MARCHF10: variants seen among roughly 807,000 people sequenced by gnomAD.
MARCHF10 encodes the protein probable E3 ubiquitin-protein ligase MARCHF10.
Under a neutral mutation model 76.2 loss-of-function variants are expected in MARCHF10, and 64 were observed. The ratio of observed to expected loss-of-function variants is 0.84; its 90% CI spans 0.69 to 1.03. MARCHF10 has a LOEUF of 1.03. Among genes scored for constraint, MARCHF10 ranks in the 50% least tolerant of loss-of-function variants. The pLI is 0.00. For missense variants in MARCHF10, 875 were observed against 958.0 expected (o/e 0.91, Z 1.14); for synonymous variants, 340 against 357.5 (o/e 0.95, Z 0.55).
In MARCHF10 at chr17:62,727,435, G is replaced by A. The variant is rs182799225; in HGVS notation, c.1938-2331C>T. 3.0e-3 allele frequency among the ~76,000 whole-genome samples: 454 copies of A among 152,184 alleles called. 3 individuals are homozygous for A. The highest frequency in any genetic ancestry group is 4.7e-3 in the Non-Finnish European group (322 of 68,010). ...TGTAATCCTAGCACTTTGGGAAGCC[G>A]AGGCAGGAGGATGGCTTGAGCTCAG... On this transcript the variant is annotated intron_variant, in intron 6 of 10. Coordinates refer to ENST00000311269, the MANE Select transcript of MARCHF10 (RefSeq NM_152598.4).
intron 8 of MARCHF10, among the ~76,000 whole-genome samples, chr17:62,714,892 T>G (rs538204246): frequency 6.6e-6 from 1 of 152,232 alleles, no homozygotes; most frequent in South Asian, 2.1e-4. Flanking sequence ...ATTTCAGGTG[T>G]GTGCCACCAC....
At chr17:62,761,702 G>T (rs572876858) in intron 3 of MARCHF10, among the ~76,000 whole-genome samples, 2 of 152,274 alleles carry the variant, frequency 1.3e-5, no homozygotes, top group African/African-American at 4.8e-5. Context: ...GATTATAGGC[G>T]TGAGCCACTG....
intron 1 of MARCHF10, among the ~76,000 whole-genome samples, chr17:62,807,395 G>A (rs751039785): frequency 6.6e-6 from 1 of 152,114 alleles, no homozygotes; most frequent in Non-Finnish European, 1.5e-5. Flanking sequence ...GAACAGACTT[G>A]TGTTTGGCGG....
At chr17:62,757,999 C>A (rs940532713) in intron 4 of MARCHF10, among the ~76,000 whole-genome samples, 2 of 152,148 alleles carry the variant, frequency 1.3e-5, no homozygotes, top group Non-Finnish European at 2.9e-5. Context: ...CTAAACGGTT[C>A]CTTTTAATGA....
chr17:62,795,984 G>A (rs2092977756), intron 2 of MARCHF10, among the ~76,000 whole-genome samples: 3 of 151,560 alleles, frequency 2.0e-5, no homozygotes. Context: ...TTACTGAGGG[G>A]TCACTAACGT....
chr17:62,744,403 C>G lies in MARCHF10; in HGVS notation c.508G>C (p.Ala170Pro), dbSNP rs1226728405. Residue 170 changes from alanine to proline, a missense_variant, in exon 5 of 11, where the codon GCA (alanine) becomes CCA (proline). By Grantham distance (27) the Ala-to-Pro change is conservative (BLOSUM62 -1). Transcript: ENST00000311269. The stretch of plus-strand genomic sequence containing the variant: ...GCTCCCCTGGGAACCGGCACCTTTG[C>G]AGGCCACTGCTGTTTCTGTCTGCTT... ...DRSRQKQQWPAKVPVPRGADQ... is the reference protein window; with the variant it reads ...DRSRQKQQWPPKVPVPRGADQ... 5 of 1,614,012 alleles carry G rather than the reference C, an allele frequency of 3.1e-6. No homozygotes were observed. The highest frequency in any genetic ancestry group is 4.2e-6 in the Non-Finnish European group (5 of 1,180,018).
Position 62,736,963 on chromosome 17 carries a change from C to T in MARCHF10, c.905G>A (p.Trp302Ter), listed in dbSNP as rs951975535. The change falls in exon 6 of 11, where the codon TGG (tryptophan) becomes TAG (stop). Residue 302 changes from tryptophan (W) to a stop codon, truncating the protein, a stop_gained. Coordinates refer to ENST00000311269, the MANE Select transcript of MARCHF10 (RefSeq NM_152598.4). LOFTEE classifies it high-confidence loss of function. ...EEETQSEECL[W>*]VGVRSPCSPS... ...AGAACAGGGTGAGCGCACACCAACC[C>T]ACAGACATTCTTCAGACTGGGTTTC... 10 of 1,614,036 alleles carry T rather than the reference C, an allele frequency of 6.2e-6. No individual in the cohort carries two copies. In the African/African-American group the frequency reaches 1.2e-4, roughly 19 times the overall value.
intron 1 of MARCHF10, among the ~76,000 whole-genome samples, chr17:62,802,109 G>A (rs1453065080): frequency 1.3e-5 from 2 of 152,176 alleles, no homozygotes; most frequent in African/African-American, 4.8e-5. Flanking sequence ...CAGGCCCCTG[G>A]TTACTTAAAT....
In MARCHF10 at chr17:62,736,570, G is replaced by A. The variant is rs1360545564; in HGVS notation, c.1298C>T (p.Thr433Ile). Residue 433 changes from threonine (T) to isoleucine (I), a missense_variant, in exon 6 of 11, where the codon ACC becomes ATC. Physicochemically the swap from Thr to Ile is moderately conservative, Grantham distance 89. Transcript: ENST00000311269. ...TTTCCAGTATCCTTCAGAATCATGG[G>A]TGCCAGGCCTATGTTCCACAGAAAT... is the stretch of plus-strand genomic sequence containing the variant. ...DCISVEHRPGTHDSEGYWKDY... is the reference protein window; with the variant it reads ...DCISVEHRPGIHDSEGYWKDY... The A allele has an allele frequency of 8.7e-6, 14 of 1,614,172 alleles. No individual in the cohort carries two copies. The highest frequency in any genetic ancestry group is 1.2e-5 in the Non-Finnish European group (14 of 1,180,040).
chr17:62,758,394 A>C (rs973841033), intron 4 of MARCHF10, among the ~76,000 whole-genome samples: 1 of 152,088 alleles, frequency 6.6e-6, no homozygotes, highest in Admixed American at 6.6e-5. Context: ...AAACAAAAAA[A>C]CCCTGAAATT....
chr17:62,705,293 C>T (rs1167687771), intron 10 of MARCHF10: 8 of 1,439,394 alleles, frequency 5.6e-6, no homozygotes, highest in Non-Finnish European at 7.2e-6. Context: ...ATAACCTCTT[C>T]CCTTTGTTGG....
rs369884194 is a variant in MARCHF10, at chr17:62,736,662, C to T, written c.1206G>A (p.Ser402=). 1.0e-4 allele frequency: 167 copies of T among 1,614,120 alleles called. No homozygotes were observed. The highest frequency in any genetic ancestry group is 6.8e-4 in the African/African-American group (51 of 75,022). ...GSENAKKSPL[S]WDTKSEPRQE... is the part of the protein sequence containing the mutation. Reference sequence around the variant, plus strand: ...GTCTGGGCTCGGATTTGGTGTCCCACGAAAGAGGGCTCTTTTTCGCATTTT... The same window carrying T: ...GTCTGGGCTCGGATTTGGTGTCCCATGAAAGAGGGCTCTTTTTCGCATTTT... Residue 402 remains serine (S), a synonymous_variant, in exon 6 of 11, where the codon TCG becomes TCA. Coordinates refer to ENST00000311269, the MANE Select transcript of MARCHF10 (RefSeq NM_152598.4).
chr17:62,783,574 A>C (rs2092699101), intron 3 of MARCHF10, among the ~76,000 whole-genome samples: 7 of 152,202 alleles, frequency 4.6e-5, no homozygotes, highest in Admixed American at 4.6e-4. Context: ...TCAAAAAATC[A>C]ATGAATCCTG....
intron 1 of MARCHF10, among the ~76,000 whole-genome samples, chr17:62,805,709 C>G (rs577826927): frequency 6.6e-6 from 1 of 152,042 alleles, no homozygotes; most frequent in Non-Finnish European, 1.5e-5. Flanking sequence ...GTCAGGAGTT[C>G]GAGATCGGCC....
intron 4 of MARCHF10, among the ~76,000 whole-genome samples, chr17:62,755,968 G>A (rs1055890757): frequency 6.6e-6 from 1 of 151,832 alleles, no homozygotes; most frequent in African/African-American, 2.4e-5. Flanking sequence ...AAAAAAAATG[G>A]CTAGGTGTGG....
At chr17:62,759,028 T>C (rs1427477900) in intron 4 of MARCHF10, among the ~76,000 whole-genome samples, 3 of 152,218 alleles carry the variant, frequency 2.0e-5, no homozygotes, top group Admixed American at 1.3e-4. Flanking sequence ...GTCTTTACTC[T>C]AAGGCAGCTA....
chr17:62,733,228 G>C (rs1343212320), intron 6 of MARCHF10, among the ~76,000 whole-genome samples: 2 of 152,102 alleles, frequency 1.3e-5, no homozygotes, highest in Admixed American at 1.3e-4. Context: ...GGATGCTGAG[G>C]TGGGAGGATT....
At chr17:62,722,323 T>C (rs892447744) in intron 8 of MARCHF10, among the ~76,000 whole-genome samples, 165 bp downstream of exon 8, 2 of 148,350 alleles carry the variant, frequency 1.3e-5, no homozygotes, top group Admixed American at 1.3e-4. Flanking sequence ...TCTAATACTC[T>C]AATTTAGTGG....
intron 2 of MARCHF10, among the ~76,000 whole-genome samples, chr17:62,792,937 C>G (rs1008671331): frequency 2.7e-5 from 4 of 148,996 alleles, no homozygotes; most frequent in Admixed American, 6.7e-5. Context: ...CCACCACCAC[C>G]ATCATCTCCC....
Sources: allele counts gnomAD v4.1 joint callset (sites outside exome capture counted in the v4.1 genomes callset), GRCh38; gene constraint gnomAD v4.1.1; transcripts MANE v1.5; gene names NCBI Gene and HGNC (gene_info 2026-07-23, HGNC 2026-07-21).